IL1R2: variants seen among roughly 807,000 people sequenced by gnomAD.
IL1R2 encodes interleukin-1 receptor type 2.
Under a neutral mutation model 39.5 loss-of-function variants are expected in IL1R2, and 46 were observed. That is an observed-to-expected ratio of 1.16 (90% CI 0.92 to 1.49). IL1R2 has a LOEUF of 1.49. Ranked by LOEUF, IL1R2 falls within the 40% of genes most tolerant of loss-of-function variation. The probability of loss-of-function intolerance (pLI) is 0.00; values close to 1 mark genes in which losing one functional copy is unlikely to be tolerated. For missense variants in IL1R2, 537 were observed against 502.0 expected (o/e 1.07, Z -0.67); for synonymous variants, 207 against 189.6 (o/e 1.09, Z -0.75).
intron 1 of IL1R2, among the ~76,000 whole-genome samples, chr2:102,007,727 G>T (rs1352486321): frequency 6.6e-6 from 1 of 152,212 alleles, no homozygotes; most frequent in African/African-American, 2.4e-5. Flanking sequence ...AGGGCAGAGA[G>T]GGAGGGTGCA....
Position 102,015,921 on chromosome 2 carries a change from A to G in IL1R2, c.383A>G (p.Asn128Ser), listed in dbSNP as rs780957914. ...KMSIELRVFE[N>S]TDAFLPFISY... The stretch of plus-strand genomic sequence containing the variant: ...TCCATTGAGCTCAGAGTTTTTGAGA[A>G]TACAGATGCTTTCCTGCCGTTCATC... The change falls in exon 4 of 9, where the codon AAT becomes AGT. Residue 128 changes from asparagine (N) to serine (S), a missense_variant. Asn to Ser is a conservative substitution (Grantham distance 46). Coordinates refer to ENST00000332549, the MANE Select transcript of IL1R2 (RefSeq NM_004633.4). 1.2e-5 allele frequency: 20 copies of G among 1,613,952 alleles called. No homozygotes were observed. The Middle Eastern group carries it at 4.9e-4, about 40-fold the overall frequency.
chr2:102,019,546 A>AAG (rs1317963995), intron 4 of IL1R2, 92 bp from the exon 5 acceptor site: 4 of 932,040 alleles, frequency 4.3e-6, no homozygotes, highest in Non-Finnish European at 4.8e-6. Context: ...TTGGATTGCA[A>AAG]ATCCCACATT....
chr2:102,020,453 T>C (rs1335766350), intron 5 of IL1R2, among the ~76,000 whole-genome samples: 1 of 152,260 alleles, frequency 6.6e-6, no homozygotes, highest in East Asian at 1.9e-4. Context: ...GTGTAAATCC[T>C]GGACTTTGCC....
chr2:102,002,840 G>GTCCC (rs1675979431), intron 1 of IL1R2, among the ~76,000 whole-genome samples: 1 of 45,060 alleles, frequency 2.2e-5, no homozygotes, highest in African/African-American at 5.6e-5. Flanking sequence ...GTCTGTGTCT[G>GTCCC]TGTCTATGTC....
intron 3 of IL1R2, among the ~76,000 whole-genome samples, chr2:102,013,133 T>G (rs938770733): frequency 5.3e-5 from 8 of 152,214 alleles, no homozygotes; most frequent in African/African-American, 1.7e-4. Context: ...TGAGTTCTGT[T>G]TGTCTTAAAG....
intron 1 of IL1R2, among the ~76,000 whole-genome samples, chr2:101,996,879 T>C (rs1319738011): frequency 6.9e-6 from 1 of 145,878 alleles, no homozygotes; most frequent in Non-Finnish European, 1.5e-5. Flanking sequence ...AGGAATCTCA[T>C]TTGGCTCTAA....
chr2:102,012,403 A>T (rs1676694105), intron 3 of IL1R2, among the ~76,000 whole-genome samples: 1 of 152,208 alleles, frequency 6.6e-6, no homozygotes, highest in South Asian at 2.1e-4. Flanking sequence ...GAACCGGAGA[A>T]GTGAGATTCT....
At chr2:102,006,544 G>T (rs548799045) in intron 1 of IL1R2, among the ~76,000 whole-genome samples, 1 of 152,304 alleles carries the variant, frequency 6.6e-6, no homozygotes, top group Non-Finnish European at 1.5e-5. Flanking sequence ...TGGATTTACT[G>T]CAAGTCATTC....
intron 6 of IL1R2, among the ~76,000 whole-genome samples, chr2:102,022,700 G>T (rs1479930010): frequency 6.6e-6 from 1 of 152,170 alleles, no homozygotes; most frequent in African/African-American, 2.4e-5. Context: ...GTTTCTTGTT[G>T]CCAGAAGAGC....
At chr2:102,019,014 A>C (rs1559425477) in intron 4 of IL1R2, among the ~76,000 whole-genome samples, 3 of 152,150 alleles carry the variant, frequency 2.0e-5, no homozygotes, top group Non-Finnish European at 4.4e-5. Context: ...GTCCCTGAGA[A>C]CATTGTGTGC....
At chr2:101,992,410 CAG>C (rs1374379503) in intron 1 of IL1R2, among the ~76,000 whole-genome samples, 3 of 139,902 alleles carry the variant, frequency 2.1e-5, no homozygotes, top group Non-Finnish European at 3.1e-5. Flanking sequence ...AAGACAGAGA[CAG>C]AGAGAGGCAG....
chr2:102,013,524 C>CAAAA (rs771727938), intron 3 of IL1R2, among the ~76,000 whole-genome samples: 543 of 5,682 alleles, frequency 0.096, 83 homozygotes, highest in Non-Finnish European at 0.12. Flanking sequence ...TCTATCACTG[C>CAAAA]AAAAAAAAAA....
intron 3 of IL1R2, among the ~76,000 whole-genome samples, chr2:102,010,337 G>GCC (rs574657230): frequency 6.0e-4 from 92 of 152,264 alleles, no homozygotes; most frequent in Admixed American, 1.1e-3. Context: ...ACTTTGGGCG[G>GCC]CCGAAGAGGG....
chr2:102,022,131 A>G (rs1228429212), intron 5 of IL1R2, 56 bp from the exon 6 acceptor site: 1 of 1,407,636 alleles, frequency 7.1e-7, no homozygotes, highest in Non-Finnish European at 1.0e-6. Context: ...GACTTGAACC[A>G]CAGCGTCAAA....
Position 102,015,980 on chromosome 2 carries a change from G to A in IL1R2, c.442G>A (p.Gly148Arg). 1.2e-6 allele frequency: 2 copies of A among 1,613,740 alleles called. No individual in the cohort carries two copies. Among genetic ancestry groups the A allele is most frequent in the Non-Finnish European group, 1.7e-6 (2 of 1,179,720 alleles). Reference sequence around the variant, plus strand: ...GCAAATTTTAACCTTGTCAACCTCTGGGGTATTAGTATGCCCTGACCTGAG... The same window carrying A: ...GCAAATTTTAACCTTGTCAACCTCTAGGGTATTAGTATGCCCTGACCTGAG... ...YPQILTLSTS[G>R]VLVCPDLSEF... The change falls in exon 4 of 9, where the codon GGG (glycine) becomes AGG (arginine). Residue 148 changes from glycine (G) to arginine (R), a missense_variant. Gly to Arg is a moderately radical substitution (Grantham distance 125). Transcript: ENST00000332549.
At chr2:101,998,383 T>C (rs1675690304) in intron 1 of IL1R2, among the ~76,000 whole-genome samples, 1 of 152,200 alleles carries the variant, frequency 6.6e-6, no homozygotes, top group Admixed American at 6.5e-5. Context: ...TCAGTGTGTG[T>C]TTTCTTCTCC....
At chr2:102,001,579 A>G (rs750805928) in intron 1 of IL1R2, among the ~76,000 whole-genome samples, 6 of 152,174 alleles carry the variant, frequency 3.9e-5, no homozygotes, top group Non-Finnish European at 8.8e-5. Context: ...TTCCTATAGA[A>G]CAAAAGCAGT....
chr2:102,009,667 G>C lies in IL1R2; in HGVS notation c.173G>C (p.Trp58Ser). ...LRCPQVPYWL[W>S]ASVSPRINLT... ...TGCCCCCAGGTGCCCTACTGGTTGT[G>C]GGCCTCTGTCAGCCCCCGCATCAAC... Residue 58 changes from tryptophan to serine, a missense_variant, in exon 3 of 9, where the codon TGG (tryptophan) becomes TCG (serine). Transcript: ENST00000332549. 1 of 1,614,198 alleles carries C rather than the reference G, an allele frequency of 6.2e-7. No homozygotes were observed. Among genetic ancestry groups the C allele is most frequent in the South Asian group, 1.1e-5 (1 of 91,086 alleles).
intron 1 of IL1R2, chr2:101,999,109 CT>C (rs1239282545): frequency 6.6e-6 from 1 of 152,318 alleles, no homozygotes; most frequent in Non-Finnish European, 1.5e-5. Flanking sequence ...GACTTTAAAG[CT>C]GCTTCTGTGA....
Sources: allele counts gnomAD v4.1 joint callset (sites outside exome capture counted in the v4.1 genomes callset), GRCh38; gene constraint gnomAD v4.1.1; transcripts MANE v1.5; gene names NCBI Gene and HGNC (gene_info 2026-07-23, HGNC 2026-07-21).